The following CHCHD6 variants were observed in gnomAD, a reference collection of about 807,000 sequenced individuals.
CHCHD6 encodes MICOS complex subunit MIC25.
Under a neutral mutation model 32.3 loss-of-function variants are expected in CHCHD6, and 28 were observed. The observed-to-expected ratio is 0.87, with a 90% CI of 0.64 to 1.19. The LOEUF (loss-of-function observed/expected upper bound fraction) is 1.19. Ranked by LOEUF, CHCHD6 falls within the 50% of genes most tolerant of loss-of-function variation. CHCHD6 has a pLI of 0.00. For synonymous variants in CHCHD6, 122 were observed against 117.5 expected (o/e 1.04, Z -0.25); for missense variants, 333 against 307.0 (o/e 1.08, Z -0.63).
At chr3:126,737,175 C>T (rs1191999559) in intron 4 of CHCHD6, among the ~76,000 whole-genome samples, 2 of 151,950 alleles carry the variant, frequency 1.3e-5, no homozygotes, top group Non-Finnish European at 2.9e-5. Flanking sequence ...ACAAAATTAG[C>T]TGGGCGTGGT....
intron 4 of CHCHD6, among the ~76,000 whole-genome samples, chr3:126,835,956 CCA>C (rs1026244466): frequency 3.9e-5 from 6 of 152,332 alleles, no homozygotes; most frequent in Admixed American, 3.9e-4. Flanking sequence ...GCTGTCACAA[CCA>C]CAGTTAATAT....
intron 4 of CHCHD6, among the ~76,000 whole-genome samples, chr3:126,824,583 T>TAAAAAAAAAAAAAAAAAAAAAA (rs1940307472): frequency 3.1e-5 from 1 of 32,040 alleles, no homozygotes; most frequent in African/African-American, 1.2e-4. Flanking sequence ...AAAAAAAAAG[T>TAAAAAAAAAAAAAAAAAAAAAA]CAAATGTTGG....
intron 5 of CHCHD6, among the ~76,000 whole-genome samples, chr3:126,866,101 A>T (rs1559891889): frequency 6.6e-6 from 1 of 152,184 alleles, no homozygotes; most frequent in Non-Finnish European, 1.5e-5. Context: ...GCCAAGATTT[A>T]ATCAGGGCTT....
At chr3:126,739,269 C>T (rs578245366) in intron 4 of CHCHD6, among the ~76,000 whole-genome samples, 1 of 152,334 alleles carries the variant, frequency 6.6e-6, no homozygotes, top group African/African-American at 2.4e-5. Context: ...CAGAGGTTGA[C>T]AAACATTTTC....
intron 6 of CHCHD6, among the ~76,000 whole-genome samples, chr3:126,932,176 C>T (rs1346533382): frequency 6.6e-6 from 1 of 152,162 alleles, no homozygotes; most frequent in Non-Finnish European, 1.5e-5. Context: ...TGCCCTGCTG[C>T]CCGTAGCACC....
At chr3:126,901,237 A>G (rs1664567611) in intron 5 of CHCHD6, among the ~76,000 whole-genome samples, 1 of 152,206 alleles carries the variant, frequency 6.6e-6, no homozygotes, top group South Asian at 2.1e-4. Context: ...GGTGTAGCCT[A>G]CATGGTCGGC....
At chr3:126,750,252 CCA>C (rs952122275) in intron 4 of CHCHD6, among the ~76,000 whole-genome samples, 1 of 152,200 alleles carries the variant, frequency 6.6e-6, no homozygotes, top group Non-Finnish European at 1.5e-5. Flanking sequence ...AGGGAATATC[CCA>C]CAGAGTCGTC....
At chr3:126,752,279 C>T (rs1012687323) in intron 4 of CHCHD6, among the ~76,000 whole-genome samples, 1 of 152,178 alleles carries the variant, frequency 6.6e-6, no homozygotes, top group Non-Finnish European at 1.5e-5. Context: ...TTGGTTGTTG[C>T]CACAGCCAGA....
At chr3:126,892,659 C>G (rs1179102414) in intron 5 of CHCHD6, among the ~76,000 whole-genome samples, 2 of 152,234 alleles carry the variant, frequency 1.3e-5, no homozygotes, top group African/African-American at 2.4e-5. Flanking sequence ...ATAAACCCCC[C>G]CTTCTCCAGA....
At chr3:126,910,419 C>T (rs1201614867) in intron 5 of CHCHD6, among the ~76,000 whole-genome samples, 2 of 152,226 alleles carry the variant, frequency 1.3e-5, no homozygotes, top group Non-Finnish European at 2.9e-5. Flanking sequence ...CTGGCCGTTG[C>T]CCTGTGCCTC....
At chr3:126,814,720 A>G (rs933397565) in intron 4 of CHCHD6, among the ~76,000 whole-genome samples, 1 of 152,130 alleles carries the variant, frequency 6.6e-6, no homozygotes, top group African/African-American at 2.4e-5. Flanking sequence ...TGTCCCTTAT[A>G]ATAAACCAGG....
intron 6 of CHCHD6, among the ~76,000 whole-genome samples, chr3:126,919,722 C>T (rs2078220081): frequency 6.8e-6 from 1 of 147,828 alleles, no homozygotes; most frequent in Non-Finnish European, 1.5e-5. Flanking sequence ...ATATAGCAGT[C>T]ATTTCTTTCA....
At chr3:126,778,398 G>A (rs1937757379) in intron 4 of CHCHD6, among the ~76,000 whole-genome samples, 1 of 152,208 alleles carries the variant, frequency 6.6e-6, no homozygotes, top group Admixed American at 6.5e-5. Context: ...CTAGCAATGT[G>A]TGAGGGTTCC....
intron 4 of CHCHD6, among the ~76,000 whole-genome samples, chr3:126,836,249 G>T (rs1576473758): frequency 6.6e-6 from 1 of 152,264 alleles, no homozygotes; most frequent in East Asian, 1.9e-4. Context: ...ATTTGTTATG[G>T]TGTTTGTTAT....
intron 4 of CHCHD6, among the ~76,000 whole-genome samples, chr3:126,736,475 G>A (rs1936047885): frequency 1.3e-5 from 2 of 152,162 alleles, no homozygotes; most frequent in Admixed American, 1.3e-4. Context: ...TGTACTGAGT[G>A]CCGCTTAATA....
chr3:126,776,338 G>T (rs1233543922), intron 4 of CHCHD6, among the ~76,000 whole-genome samples: 1 of 152,188 alleles, frequency 6.6e-6, no homozygotes, highest in Non-Finnish European at 1.5e-5. Context: ...TCACAGGGGA[G>T]ACAGGGTGTT....
intron 4 of CHCHD6, among the ~76,000 whole-genome samples, chr3:126,764,551 C>T (rs556487686): frequency 1.1e-4 from 16 of 152,340 alleles, no homozygotes; most frequent in Admixed American, 1.0e-3. Context: ...GCTCCACTCC[C>T]TGGCTAGGGT....
chr3:126,932,603 G>A (rs916417278), intron 6 of CHCHD6, among the ~76,000 whole-genome samples: 11 of 152,174 alleles, frequency 7.2e-5, no homozygotes, highest in African/African-American at 2.7e-4. Context: ...TGTGGTGGGC[G>A]ACCAGCAGCC....
intron 4 of CHCHD6, among the ~76,000 whole-genome samples, chr3:126,796,591 A>C (rs990399169): frequency 1.1e-4 from 17 of 152,146 alleles, no homozygotes; most frequent in Non-Finnish European, 2.5e-4. Flanking sequence ...ATCAGTGTAC[A>C]GTGGCTCCCA....
Sources: allele counts gnomAD v4.1 joint callset (sites outside exome capture counted in the v4.1 genomes callset), GRCh38; gene constraint gnomAD v4.1.1; transcripts MANE v1.5; gene names NCBI Gene and HGNC (gene_info 2026-07-23, HGNC 2026-07-21).